The following PTK2B variants were observed in gnomAD, a reference collection of about 807,000 sequenced individuals.
PTK2B encodes protein-tyrosine kinase 2-beta.
Under a neutral mutation model 142.9 loss-of-function variants are expected in PTK2B, and 71 were observed. That is an observed-to-expected ratio of 0.50 (90% CI 0.41 to 0.61). The LOEUF is 0.61. PTK2B is among the 20% of genes least tolerant of loss of function. PTK2B has a pLI of 0.00. For missense variants in PTK2B, 1,105 were observed against 1,320.4 expected, an observed-to-expected ratio of 0.84 and a Z score of 2.53; for synonymous variants, 519 against 503.4, an observed-to-expected ratio of 1.03 and a Z score of -0.42.
chr8:27,438,465 AC>A (rs1810935869), intron 18 of PTK2B, among the ~76,000 whole-genome samples: 10 of 151,936 alleles, frequency 6.6e-5, no homozygotes, highest in Admixed American at 1.3e-4. Context: ...CTTGTGCCTG[AC>A]TCAGGGTGTG....
intron 24 of PTK2B, among the ~76,000 whole-genome samples, chr8:27,449,025 C>G (rs915694087): frequency 6.6e-6 from 1 of 152,184 alleles, no homozygotes; most frequent in East Asian, 1.9e-4. Context: ...ATTTTTGTTA[C>G]AACTGGGGTG....
chr8:27,349,580 C>G (rs1210735645), intron 1 of PTK2B, among the ~76,000 whole-genome samples: 2 of 152,226 alleles, frequency 1.3e-5, no homozygotes, highest in Non-Finnish European at 2.9e-5. Flanking sequence ...GGCCCCACCC[C>G]CAACAGCCCC....
chr8:27,358,240 C>T (rs1805497662), intron 1 of PTK2B, among the ~76,000 whole-genome samples: 1 of 152,206 alleles, frequency 6.6e-6, no homozygotes, highest in Non-Finnish European at 1.5e-5. Flanking sequence ...TTAAGCCATC[C>T]TCAGTTGAGT....
At chr8:27,332,576 C>CA (rs1390881191) in intron 1 of PTK2B, among the ~76,000 whole-genome samples, 1 of 151,376 alleles carries the variant, frequency 6.6e-6, no homozygotes, top group African/African-American at 2.4e-5. Context: ...TTTCTTCCCC[C>CA]AATTTTTTTT....
intron 2 of PTK2B, among the ~76,000 whole-genome samples, chr8:27,414,074 C>A (rs1563264953): frequency 6.6e-6 from 1 of 152,224 alleles, no homozygotes; most frequent in African/African-American, 2.4e-5. Flanking sequence ...AATGTTCTCT[C>A]AACACTTTGT....
intron 2 of PTK2B, among the ~76,000 whole-genome samples, chr8:27,405,234 C>G (rs993499131): frequency 2.0e-5 from 3 of 152,180 alleles, no homozygotes; most frequent in African/African-American, 7.2e-5. Flanking sequence ...GTTAGAGCAG[C>G]TCAAGATGAC....
At chr8:27,444,949 A>G (rs1421601980) in intron 23 of PTK2B, among the ~76,000 whole-genome samples, 1 of 152,206 alleles carries the variant, frequency 6.6e-6, no homozygotes, top group African/African-American at 2.4e-5. Context: ...TTCTCAAGGA[A>G]ATGCCTGAGT....
Position 27,405,035 on chromosome 8 carries a change from C to CCTCTCTCTCTCTCTCTCTCTCTCT in PTK2B, c.204+7258_204+7281dup, listed in dbSNP as rs3076734. ...CTCCCTCCCTTCCTCTCTTTCTCTTCCTCTCTCTCTCTCTCTCTCTCTCTC... is the reference window on the plus strand; with the variant it reads ...CTCCCTCCCTTCCTCTCTTTCTCTTCCTCTCTCTCTCTCTCTCTCTCTCTCTCTCTCTCTCTCTCTCTCTCTCTC... On this transcript the variant is annotated intron_variant, in intron 2 of 30. Coordinates refer to ENST00000346049, the MANE Select transcript of PTK2B (RefSeq NM_173176.3). Among the ~76,000 whole-genome samples the CCTCTCTCTCTCTCTCTCTCTCTCT allele has an allele frequency of 9.7e-3, 1,152 of 119,260 alleles. 65 individuals are homozygous for CCTCTCTCTCTCTCTCTCTCTCTCT. Among genetic ancestry groups the CCTCTCTCTCTCTCTCTCTCTCTCT allele is most frequent in the African/African-American group, 0.02 (566 of 28,794 alleles). The allele number at this position is 119,260 out of a possible 152,430, so 78.2% of individuals were successfully genotyped here.
chr8:27,368,987 C>T (rs767552455), intron 1 of PTK2B, among the ~76,000 whole-genome samples: 1 of 152,226 alleles, frequency 6.6e-6, no homozygotes, highest in Non-Finnish European at 1.5e-5. Context: ...TTGTGAAGGG[C>T]TGTTCTAACC....
intron 1 of PTK2B, among the ~76,000 whole-genome samples, chr8:27,325,992 G>A (rs1178154731): frequency 6.6e-6 from 1 of 152,086 alleles, no homozygotes; most frequent in African/African-American, 2.4e-5. Flanking sequence ...CGGTGTGAGG[G>A]CACAGCCAGG....
rs1372153358 is a variant in PTK2B at position 27,444,231 on chromosome 8, C to T, written c.2174C>T (p.Pro725Leu). Reference sequence around the variant, plus strand: ...CCCAGCCGACCTAAGTACAGACCCCCTCCGCAAACCAACCTCCTGGCTCCA... The same window carrying T: ...CCCAGCCGACCTAAGTACAGACCCCTTCCGCAAACCAACCTCCTGGCTCCA... ...PKPSRPKYRP[P>L]PQTNLLAPKL... The change falls in exon 23 of 31, where the codon CCT (proline) becomes CTT (leucine). Residue 725 changes from proline (P) to leucine (L), a missense_variant. Coordinates refer to ENST00000346049, the MANE Select transcript of PTK2B (RefSeq NM_173176.3). The T allele has an allele frequency of 3.1e-6, 5 of 1,613,984 alleles. No individual in the cohort carries two copies. Among genetic ancestry groups the T allele is most frequent in the Admixed American group, 3.3e-5 (2 of 60,020 alleles).
rs77006545 is a variant in PTK2B at position 27,446,872 on chromosome 8, A to G, written c.2340+953A>G. ...ATGATAACTTAGAATTCCAGACACT[A>G]AGATTTTTTGTGAAATCAATTTTCC... On this transcript the variant is annotated intron_variant, in intron 24 of 30. Coordinates refer to ENST00000346049, the MANE Select transcript of PTK2B (RefSeq NM_173176.3). 9.4e-3 allele frequency among the ~76,000 whole-genome samples: 1,439 copies of G among 152,346 alleles called. 26 individuals are homozygous for G. Among genetic ancestry groups the G allele is most frequent in the African/African-American group, 0.033 (1,382 of 41,574 alleles).
chr8:27,434,262 A>G, intron 12 of PTK2B, 130 bp downstream of exon 12: 1 of 1,256,668 alleles, frequency 8.0e-7, no homozygotes, highest in Non-Finnish European at 1.1e-6. Context: ...CTGAAAAAAG[A>G]TGATCTTTCC....
At chr8:27,364,951 G>A (rs1040150238) in intron 1 of PTK2B, among the ~76,000 whole-genome samples, 3 of 152,148 alleles carry the variant, frequency 2.0e-5, no homozygotes, top group African/African-American at 7.2e-5. Flanking sequence ...ATGCATACCT[G>A]TGGGTAGTCA....
chr8:27,311,051 T>A, upstream of PTK2B: 1 of 1,598,122 alleles, frequency 6.3e-7, no homozygotes, highest in Non-Finnish European at 8.5e-7. Context: ...TGACGCGCGG[T>A]CTTTGCACAC....
At chr8:27,321,009 T>G (rs1803202440), upstream of PTK2B, among the ~76,000 whole-genome samples, 1 of 132,802 alleles carries the variant, frequency 7.5e-6, no homozygotes, top group South Asian at 2.5e-4. Context: ...TTTTTTTTTT[T>G]GAGACAGGGT....
intron 1 of PTK2B, among the ~76,000 whole-genome samples, chr8:27,326,226 A>ATATGTG (rs1442537834): frequency 9.5e-5 from 14 of 146,800 alleles, no homozygotes; most frequent in East Asian, 6.4e-4. Flanking sequence ...GCTCGTGTGT[A>ATATGTG]TGTGTGTGTG....
intron 1 of PTK2B, among the ~76,000 whole-genome samples, chr8:27,378,950 AGGGCCCCG>A (rs1173875356): frequency 6.6e-6 from 1 of 152,124 alleles, no homozygotes; most frequent in Non-Finnish European, 1.5e-5. Flanking sequence ...AAAGGAAGAA[AGGGCCCCG>A]GCACCGTTAT....
intron 1 of PTK2B, among the ~76,000 whole-genome samples, chr8:27,332,831 G>A (rs902134347): frequency 3.9e-5 from 6 of 152,076 alleles, no homozygotes; most frequent in African/African-American, 7.2e-5. Context: ...ATTCTGCTTC[G>A]GCCTCCCAGA....
Sources: gnomAD v4.1 joint callset for allele counts (sites outside exome capture counted in the v4.1 genomes callset) on GRCh38, gnomAD v4.1.1 for gene constraint, MANE v1.5 for transcripts, NCBI Gene and HGNC (gene_info 2026-07-23, HGNC 2026-07-21) for gene names.